Variants in SGCZ observed in about 807,000 individuals in gnomAD.
The protein encoded by SGCZ is zeta-sarcoglycan.
SGCZ carries 40 observed loss-of-function variants against 41.3 expected under a neutral mutation model. The observed-to-expected ratio is 0.97, with a 90% CI of 0.75 to 1.26. The LOEUF is 1.26. SGCZ is among the 50% of genes most tolerant of loss of function. The probability of loss-of-function intolerance (pLI) is 0.00; values close to 1 mark genes in which losing one functional copy is unlikely to be tolerated. For synonymous variants in SGCZ, 206 were observed against 137.5 expected (o/e 1.50, Z -3.49); for missense variants, 552 against 369.8 (o/e 1.49, Z -4.04).
intron 1 of SGCZ, among the ~76,000 whole-genome samples, chr8:15,071,348 T>C (rs1805343254): frequency 6.6e-6 from 1 of 152,198 alleles, no homozygotes; most frequent in Admixed American, 6.5e-5. Flanking sequence ...CTAGATTTCT[T>C]TGATAAATCC....
chr8:14,634,795 A>G (rs116338277), intron 1 of SGCZ, among the ~76,000 whole-genome samples: 2,536 of 152,006 alleles, frequency 0.017, 37 homozygotes, highest in Middle Eastern at 0.034. Flanking sequence ...GGAATAAAGA[A>G]TTACTTTCCA....
chr8:14,287,661 G>C (rs899602657), intron 3 of SGCZ, among the ~76,000 whole-genome samples: 1 of 152,052 alleles, frequency 6.6e-6, no homozygotes, highest in African/African-American at 2.4e-5. Flanking sequence ...CTATATGACA[G>C]TCAGGTTTTT....
At chr8:14,187,993 G>A (rs1193915301) in intron 4 of SGCZ, among the ~76,000 whole-genome samples, 2 of 152,030 alleles carry the variant, frequency 1.3e-5, no homozygotes, top group Admixed American at 1.3e-4. Flanking sequence ...TTAACAGCTG[G>A]CCTCTCATCA....
At chr8:14,230,527 A>C (rs1262793038) in intron 4 of SGCZ, among the ~76,000 whole-genome samples, 1 of 152,134 alleles carries the variant, frequency 6.6e-6, no homozygotes, top group Admixed American at 6.6e-5. Context: ...TCTGGGATTT[A>C]GCAGTCTCCA....
At chr8:14,875,339 T>C (rs2130711181) in intron 1 of SGCZ, among the ~76,000 whole-genome samples, 1 of 152,256 alleles carries the variant, frequency 6.6e-6, no homozygotes. Flanking sequence ...CTTAATCACC[T>C]TCCAAAAGCC....
At chr8:14,576,333 T>TC (rs1804711099) in intron 1 of SGCZ, among the ~76,000 whole-genome samples, 1 of 152,014 alleles carries the variant, frequency 6.6e-6, no homozygotes, top group African/African-American at 2.4e-5. Flanking sequence ...TATCCTGAAG[T>TC]GAGCCCTCTA....
chr8:14,765,219 T>C lies in SGCZ; in HGVS notation c.40-210293A>G, dbSNP rs150659907. Among the ~76,000 whole-genome samples, 663 of 152,320 alleles carry C rather than the reference T, an allele frequency of 4.4e-3. 8 individuals carry two copies. The highest frequency in any genetic ancestry group is 0.015 in the African/African-American group (629 of 41,558). ...TTCCCTTAATCCCTCTCCAGTTATT[T>C]AATGGAGCAATAACCATCCTAGACT... On this transcript the variant is annotated intron_variant, in intron 1 of 7. Coordinates refer to ENST00000382080, the MANE Select transcript of SGCZ (RefSeq NM_139167.4).
intron 1 of SGCZ, among the ~76,000 whole-genome samples, chr8:14,934,604 T>C (rs1800024509): frequency 6.6e-6 from 1 of 151,674 alleles, no homozygotes; most frequent in Non-Finnish European, 1.5e-5. Context: ...TTAAGACACT[T>C]GAGGATATAT....
Position 15,055,987 on chromosome 8 carries a change from G to C in SGCZ, c.39+181598C>G, listed in dbSNP as rs529887991. ...TTCAGTGAAATCTATCGATCGTAAA[G>C]CTGGGTAAAGCAGTGATGTGATAAG... On this transcript the variant is annotated intron_variant, in intron 1 of 7. Transcript: ENST00000382080. Among the ~76,000 whole-genome samples the C allele has an allele frequency of 3.3e-5, 5 of 152,274 alleles. No individual in the cohort carries two copies. In the East Asian group the frequency reaches 9.7e-4, roughly 29 times the overall value.
At chr8:14,108,811 T>TTA (rs971096524) in intron 5 of SGCZ, among the ~76,000 whole-genome samples, 34 of 152,294 alleles carry the variant, frequency 2.2e-4, no homozygotes, top group African/African-American at 8.2e-4. Context: ...TAAAATTAAA[T>TTA]TATTTATAAA....
At chr8:14,294,656 G>C (rs1168013901) in intron 3 of SGCZ, among the ~76,000 whole-genome samples, 4 of 152,000 alleles carry the variant, frequency 2.6e-5, no homozygotes, top group African/African-American at 9.6e-5. Context: ...AAAAATATTT[G>C]AAAAATCACA....
chr8:14,503,828 TA>T (rs1002102867), intron 2 of SGCZ, among the ~76,000 whole-genome samples: 1 of 152,102 alleles, frequency 6.6e-6, no homozygotes, highest in Non-Finnish European at 1.5e-5. Context: ...TCTGAAAATT[TA>T]AAAATACATT....
intron 1 of SGCZ, among the ~76,000 whole-genome samples, chr8:14,683,363 C>A (rs947940015): frequency 2.6e-5 from 4 of 151,614 alleles, no homozygotes; most frequent in Non-Finnish European, 5.9e-5. Context: ...AATTTCAGAA[C>A]TACAAAAACA....
intron 1 of SGCZ, among the ~76,000 whole-genome samples, chr8:14,767,295 G>C (rs1411150873): frequency 2.4e-4 from 36 of 152,146 alleles, no homozygotes; most frequent in Non-Finnish European, 1.8e-4. Flanking sequence ...TGAATCACAG[G>C]AGAGTGTTTT....
intron 3 of SGCZ, among the ~76,000 whole-genome samples, chr8:14,265,854 G>A (rs773734134): frequency 6.6e-6 from 1 of 151,342 alleles, no homozygotes; most frequent in Non-Finnish European, 1.5e-5. Context: ...ATACAGTAAA[G>A]AGCATCAATA....
At chr8:14,090,742 C>G in intron 7 of SGCZ, 105 bp from the exon 8 acceptor site, 1 of 987,134 alleles carries the variant, frequency 1.0e-6, no homozygotes. Flanking sequence ...ACACAACAAA[C>G]AATTCCATGG....
At chr8:14,929,405 T>C (rs1799863027) in intron 1 of SGCZ, among the ~76,000 whole-genome samples, 1 of 152,180 alleles carries the variant, frequency 6.6e-6, no homozygotes, top group South Asian at 2.1e-4. Context: ...TATGACAGTT[T>C]AAGTGCCAAA....
intron 1 of SGCZ, among the ~76,000 whole-genome samples, chr8:14,585,103 C>T (rs939325378): frequency 1.3e-5 from 2 of 152,100 alleles, no homozygotes; most frequent in Admixed American, 6.6e-5. Flanking sequence ...CAATACTTAA[C>T]TGATCCCTGC....
At chr8:14,630,009 A>T (rs192979028) in intron 1 of SGCZ, among the ~76,000 whole-genome samples, 16,040 of 151,984 alleles carry the variant, frequency 0.11, 950 homozygotes, top group African/African-American at 0.18. Flanking sequence ...GTGCTAGGTC[A>T]AATACTTTGT....
Sources: allele counts gnomAD v4.1 joint callset (sites outside exome capture counted in the v4.1 genomes callset), GRCh38; gene constraint gnomAD v4.1.1; transcripts MANE v1.5; gene names NCBI Gene and HGNC (gene_info 2026-07-23, HGNC 2026-07-21).